SSH2: variants seen among roughly 807,000 people sequenced by gnomAD.
SSH2 encodes slingshot protein phosphatase 2, also known as protein phosphatase Slingshot homolog 2.
SSH2 carries 37 observed loss-of-function variants against 135.2 expected under a neutral mutation model. That is an observed-to-expected ratio of 0.27 (90% CI 0.21 to 0.36). The LOEUF (loss-of-function observed/expected upper bound fraction) is 0.36. Among genes scored for constraint, SSH2 ranks in the 10% least tolerant of loss-of-function variants. The probability of loss-of-function intolerance (pLI) is 1.00; values close to 1 mark genes in which losing one functional copy is unlikely to be tolerated. For synonymous variants in SSH2, 628 were observed against 646.2 expected, an observed-to-expected ratio of 0.97 and a Z score of 0.43; for missense variants, 1,408 against 1,765.3, an observed-to-expected ratio of 0.80 and a Z score of 3.63.
chr17:29,736,261 GT>G (rs2040360764), intron 3 of SSH2, among the ~76,000 whole-genome samples: 1 of 152,082 alleles, frequency 6.6e-6, no homozygotes, highest in Admixed American at 6.5e-5. Flanking sequence ...AGCAAAAGAG[GT>G]TTTACACTTC....
At chr17:29,744,381 C>A (rs1405267317) in intron 3 of SSH2, among the ~76,000 whole-genome samples, 3 of 151,960 alleles carry the variant, frequency 2.0e-5, no homozygotes, top group Admixed American at 2.0e-4. Context: ...CTGGTCCCGG[C>A]GTGTATTAGG....
intron 5 of SSH2, among the ~76,000 whole-genome samples, chr17:29,693,020 C>T (rs1006740184): frequency 2.0e-4 from 31 of 152,234 alleles, no homozygotes; most frequent in South Asian, 4.1e-4. Context: ...AGGGCAGTGG[C>T]GTGATCATGG....
rs28488418 is a variant in SSH2, at chr17:29,722,144, C to T, written c.189-19082G>A. On this transcript the variant is annotated intron_variant, in intron 3 of 15. Coordinates refer to ENST00000540801, the MANE Select transcript of SSH2 (RefSeq NM_001282129.2). Reference sequence around the variant, plus strand: ...ACAAACATTAGCTGGGCATGGTGGCCGGCACCTGTAATCCCAGCTACTCGG... The same window carrying T: ...ACAAACATTAGCTGGGCATGGTGGCTGGCACCTGTAATCCCAGCTACTCGG... Among the ~76,000 whole-genome samples the T allele has an allele frequency of 6.6e-3, 1,000 of 151,760 alleles. 6 individuals are homozygous for T. The highest frequency in any genetic ancestry group is 0.023 in the African/African-American group (957 of 41,404).
intron 1 of SSH2, among the ~76,000 whole-genome samples, chr17:29,868,410 C>T (rs1840726631): frequency 6.6e-6 from 1 of 151,976 alleles, no homozygotes; most frequent in Admixed American, 6.6e-5. Flanking sequence ...TTGGGGGAAC[C>T]CTCATGGAGG....
intron 1 of SSH2, among the ~76,000 whole-genome samples, chr17:29,859,475 T>G (rs1385809719): frequency 6.6e-6 from 1 of 152,146 alleles, no homozygotes; most frequent in Non-Finnish European, 1.5e-5. Flanking sequence ...TAGGCCCTGG[T>G]GTCTGTGTTC....
At chr17:29,842,142 G>T (rs2043053016) in intron 2 of SSH2, among the ~76,000 whole-genome samples, 1 of 151,864 alleles carries the variant, frequency 6.6e-6, no homozygotes, top group Non-Finnish European at 1.5e-5. Flanking sequence ...AACTGGAGGA[G>T]ACCCTGTTAT....
intron 1 of SSH2, among the ~76,000 whole-genome samples, chr17:29,857,504 T>G (rs1049703907): frequency 1.3e-5 from 2 of 152,180 alleles, no homozygotes; most frequent in African/African-American, 4.8e-5. Context: ...CTTAACTGAT[T>G]TTTTTGAGAC....
chr17:29,884,589 T>A (rs2066199634), intron 1 of SSH2, among the ~76,000 whole-genome samples: 1 of 152,210 alleles, frequency 6.6e-6, no homozygotes. Flanking sequence ...CAGGATTACA[T>A]ACCTCAGCTG....
At chr17:29,900,278 A>G (rs2066525723) in intron 1 of SSH2, among the ~76,000 whole-genome samples, 1 of 152,250 alleles carries the variant, frequency 6.6e-6, no homozygotes. Context: ...CAAAATAGAC[A>G]AATGGGATCT....
At chr17:29,883,258 T>A (rs1464802253) in intron 1 of SSH2, 1 of 152,220 alleles carries the variant, frequency 6.6e-6, no homozygotes, top group African/African-American at 2.4e-5. Flanking sequence ...CTCTGAATAA[T>A]GAGTACCTTT....
intron 2 of SSH2, among the ~76,000 whole-genome samples, chr17:29,829,518 G>A (rs1285303923): frequency 1.3e-5 from 2 of 152,098 alleles, no homozygotes; most frequent in Non-Finnish European, 2.9e-5. Context: ...AGGAGAGAGG[G>A]AAGAAGGGAG....
intron 5 of SSH2, among the ~76,000 whole-genome samples, chr17:29,686,945 G>GA (rs1424160784): frequency 6.6e-6 from 1 of 152,222 alleles, no homozygotes; most frequent in Non-Finnish European, 1.5e-5. Context: ...AAAGTGGTGG[G>GA]ATTACAGGCG....
chr17:29,731,416 TTTTTATTTA>T (rs1424348282), intron 3 of SSH2, among the ~76,000 whole-genome samples: 7 of 79,574 alleles, frequency 8.8e-5, no homozygotes, highest in African/African-American at 7.9e-5. Context: ...GCAGAAGTAT[TTTTTATTTA>T]TTTATTTATT....
chr17:29,838,070 G>A (rs1272644834), intron 2 of SSH2, among the ~76,000 whole-genome samples: 4 of 152,252 alleles, frequency 2.6e-5, no homozygotes, highest in Admixed American at 2.0e-4. Context: ...GGCCCAGGAA[G>A]GTCCCTCCTT....
At chr17:29,842,799 CT>C (rs1010657236) in intron 2 of SSH2, among the ~76,000 whole-genome samples, 2 of 152,134 alleles carry the variant, frequency 1.3e-5, no homozygotes, top group Non-Finnish European at 2.9e-5. Flanking sequence ...ACTAGCAACA[CT>C]TTTTTTATCT....
At chr17:29,733,910 C>CTTTTTTT (rs200752788) in intron 3 of SSH2, among the ~76,000 whole-genome samples, 1 of 130,538 alleles carries the variant, frequency 7.7e-6, no homozygotes, top group African/African-American at 2.9e-5. Flanking sequence ...TAATTTCTTT[C>CTTTTTTT]TTTTTTTTTT....
Position 29,636,345 on chromosome 17 carries a change from G to A in SSH2, c.1885C>T (p.Leu629=). 1 of 1,614,166 alleles carries A rather than the reference G, an allele frequency of 6.2e-7. No individual in the cohort carries two copies. Among genetic ancestry groups the A allele is most frequent in the Non-Finnish European group, 8.5e-7 (1 of 1,180,050 alleles). The change falls in exon 15 of 16, where the codon CTG becomes TTG. Residue 629 remains leucine (L), a synonymous_variant. Coordinates refer to ENST00000540801, the MANE Select transcript of SSH2 (RefSeq NM_001282129.2). Reference sequence around the variant, plus strand: ...AGGTGGACATTCATGTCTGCTTTCAGTGCATCTGTCTCCAAATCTTCCACT... The same window carrying A: ...AGGTGGACATTCATGTCTGCTTTCAATGCATCTGTCTCCAAATCTTCCACT... The part of the protein sequence containing the change: ...LTVEDLETDA[L]KADMNVHLLP...
chr17:29,663,117 C>T (rs956862287), intron 11 of SSH2, among the ~76,000 whole-genome samples: 1 of 152,226 alleles, frequency 6.6e-6, no homozygotes, highest in African/African-American at 2.4e-5. Context: ...AATCAATTCT[C>T]TCTTCTCAAT....
intron 11 of SSH2, among the ~76,000 whole-genome samples, chr17:29,661,811 C>T (rs1030719984): frequency 3.9e-5 from 6 of 152,102 alleles, no homozygotes; most frequent in Non-Finnish European, 7.4e-5. Flanking sequence ...AGAGTTCAAC[C>T]TGACAATGTG....
Sources: allele counts gnomAD v4.1 joint callset (sites outside exome capture counted in the v4.1 genomes callset), GRCh38; gene constraint gnomAD v4.1.1; transcripts MANE v1.5; gene names NCBI Gene and HGNC (gene_info 2026-07-23, HGNC 2026-07-21).